The following MCMBP variants were observed in gnomAD, a reference collection of about 807,000 sequenced individuals.
MCMBP encodes minichromosome maintenance complex binding protein.
In MCMBP, 31 loss-of-function variants were observed where a neutral mutation model predicts 81.3. The ratio of observed to expected loss-of-function variants is 0.38; its 90% CI spans 0.29 to 0.51. The LOEUF (loss-of-function observed/expected upper bound fraction) is 0.51, where lower values mean the gene tolerates loss of function less well. Among genes scored for constraint, MCMBP ranks in the 20% least tolerant of loss-of-function variants. MCMBP has a pLI of 0.87. For synonymous variants in MCMBP, 267 were observed against 275.9 expected (o/e 0.97, Z 0.32); for missense variants, 645 against 772.1 (o/e 0.84, Z 1.95).
chr10:119,835,811 C>G (rs1490636352), intron 13 of MCMBP, 107 bp from the exon 14 acceptor site: 1 of 1,166,198 alleles, frequency 8.6e-7, no homozygotes, highest in Non-Finnish European at 1.2e-6. Flanking sequence ...TAGAAAATAC[C>G]ACTTATTATT....
intron 1 of MCMBP, among the ~76,000 whole-genome samples, chr10:119,867,241 C>T (rs1271271990): frequency 7.4e-6 from 1 of 135,632 alleles, no homozygotes; most frequent in Non-Finnish European, 1.5e-5. Context: ...TGCAGTGAGC[C>T]GAAATCGCAC....
At chr10:119,848,544 T>C (rs1024853263) in intron 7 of MCMBP, among the ~76,000 whole-genome samples, 1 of 151,456 alleles carries the variant, frequency 6.6e-6, no homozygotes, top group Admixed American at 6.6e-5. Context: ...ACCCAGGAGG[T>C]AGAAGTTGCA....
At chr10:119,869,174 G>A (rs528083151) in intron 1 of MCMBP, among the ~76,000 whole-genome samples, 1 of 152,214 alleles carries the variant, frequency 6.6e-6, no homozygotes, top group African/African-American at 2.4e-5. Flanking sequence ...GGTCGGGCGC[G>A]GTGGCTCACG....
At chr10:119,843,220 C>A in intron 9 of MCMBP, 34 bp downstream of exon 9, 1 of 1,611,676 alleles carries the variant, frequency 6.2e-7, no homozygotes, top group South Asian at 1.1e-5. Flanking sequence ...GGCTAACAGT[C>A]GATAGTTGAC....
Position 119,831,337 on chromosome 10 carries a change from TTACC to T in MCMBP, c.*133_*136del, listed in dbSNP as rs1852027312. The stretch of plus-strand genomic sequence containing the variant: ...CTGAATATCATATAAACATCAGGTG[TTACC>T]AGGCTTGATTTCAGGAAATGTCACT... On this transcript the variant is annotated 3_prime_UTR_variant, in exon 16 of 16. Coordinates refer to ENST00000369077, the MANE Select transcript of MCMBP (RefSeq NM_001256378.2). 2 of 955,622 alleles carry T rather than the reference TTACC, an allele frequency of 2.1e-6. No individual in the cohort carries two copies. The highest frequency in any genetic ancestry group is 3.3e-5 in the African/African-American group (2 of 61,476). 59.2% of individuals were successfully genotyped at this position (955,622 alleles called of 1,614,324 possible). A position where few individuals can be genotyped will look rare whatever the true frequency, so the allele number is the denominator to read the frequency against.
intron 1 of MCMBP, among the ~76,000 whole-genome samples, chr10:119,867,095 C>T (rs1209575707): frequency 4.6e-5 from 7 of 151,878 alleles, no homozygotes; most frequent in Admixed American, 3.9e-4. Context: ...GAGGTCGAGA[C>T]CATCCTGGCC....
rs149555312 is a variant in MCMBP, at chr10:119,850,193, T to C, written c.575-617A>G. Among the ~76,000 whole-genome samples, 25 of 152,174 alleles carry C rather than the reference T, an allele frequency of 1.6e-4. 1 individual carries two copies. In the East Asian group the frequency reaches 4.1e-3, roughly 25 times the overall value. The stretch of plus-strand genomic sequence containing the variant: ...GACAAACTACTGATACATGCAACAA[T>C]TGGGATGGATCTCAAGGGAATTGTG... On this transcript the variant is annotated intron_variant, in intron 6 of 15. Transcript: ENST00000369077.
At chr10:119,860,985 T>C (rs143739937) in intron 1 of MCMBP, among the ~76,000 whole-genome samples, 165 of 152,358 alleles carry the variant, frequency 1.1e-3, no homozygotes, top group African/African-American at 3.6e-3. Context: ...ACAAGCCATC[T>C]ACAGCAGGCA....
intron 6 of MCMBP, 57 bp from the exon 7 acceptor site, chr10:119,849,633 G>A: frequency 6.8e-7 from 1 of 1,472,854 alleles, no homozygotes; most frequent in Non-Finnish European, 9.0e-7. Flanking sequence ...TGGAGAAAAA[G>A]AACATTCCAT....
chr10:119,858,488 A>T (rs1201576339), intron 4 of MCMBP, among the ~76,000 whole-genome samples: 1 of 151,914 alleles, frequency 6.6e-6, no homozygotes, highest in Non-Finnish European at 1.5e-5. Flanking sequence ...TCTCCGAGCT[A>T]CCTAGGAATG....
At position 119,830,467 on chromosome 10, in the gene MCMBP, T is replaced by TA. The variant is rs1376035812; in HGVS notation, c.*1006dup. 6.6e-6 allele frequency: 1 copy of TA among 152,094 alleles called. No individual in the cohort carries two copies. The highest frequency in any genetic ancestry group is 1.5e-5 in the Non-Finnish European group (1 of 67,990). The allele number at this position is 152,094 out of a possible 1,614,324, so 9.4% of individuals were successfully genotyped here. ...TACTTGGAACCAACTGATGATCCCA[T>TA]AAAAAATGCCAAAAATCCAATAGAA... On this transcript the variant is annotated 3_prime_UTR_variant, in exon 16 of 16. Coordinates refer to ENST00000369077, the MANE Select transcript of MCMBP (RefSeq NM_001256378.2).
At chr10:119,854,791 G>T (rs1008060772) in intron 5 of MCMBP, among the ~76,000 whole-genome samples, 1 of 150,520 alleles carries the variant, frequency 6.6e-6, no homozygotes, top group South Asian at 2.1e-4. Context: ...ACCCCGTCTC[G>T]ACTAAAAACA....
intron 10 of MCMBP, among the ~76,000 whole-genome samples, chr10:119,841,864 A>G (rs1055880501): frequency 1.3e-5 from 2 of 152,242 alleles, no homozygotes; most frequent in African/African-American, 4.8e-5. Context: ...AGCGTTCAGA[A>G]TGCAAAAGGG....
At chr10:119,860,755 A>G (rs2134394358) in intron 1 of MCMBP, among the ~76,000 whole-genome samples, 1 of 152,314 alleles carries the variant, frequency 6.6e-6, no homozygotes, top group African/African-American at 2.4e-5. Flanking sequence ...ATGCTTCTCA[A>G]TCTGGATCTG....
chr10:119,852,398 G>C (rs1564880281), intron 6 of MCMBP, among the ~76,000 whole-genome samples: 1 of 152,204 alleles, frequency 6.6e-6, no homozygotes, highest in Non-Finnish European at 1.5e-5. Flanking sequence ...GACTGGTTGG[G>C]CGTGGTGGCT....
In MCMBP at chr10:119,838,415, G is replaced by T; in HGVS notation, c.1408+120C>A. On this transcript the variant is annotated intron_variant, in intron 12 of 15. Coordinates refer to ENST00000369077, the MANE Select transcript of MCMBP (RefSeq NM_001256378.2). ...TGCTTTAATCAAATTCATATGCCAA[G>T]CCTTTATCTTACGTTGTTAAATGTG... 3 of 894,110 alleles carry T rather than the reference G, an allele frequency of 3.4e-6. 1 individual carries two copies. The South Asian group carries it at 6.1e-5, about 18-fold the overall frequency. The allele number at this position is 894,110 out of a possible 1,614,324, so 55.4% of individuals were successfully genotyped here.
intron 1 of MCMBP, among the ~76,000 whole-genome samples, chr10:119,867,165 C>G (rs981250686): frequency 2.0e-5 from 3 of 150,042 alleles, no homozygotes; most frequent in Non-Finnish European, 4.4e-5. Flanking sequence ...TGGTGGTGGT[C>G]GCCTGTAGTC....
intron 8 of MCMBP, among the ~76,000 whole-genome samples, chr10:119,847,189 G>T (rs765148015): frequency 6.6e-6 from 1 of 152,130 alleles, no homozygotes; most frequent in East Asian, 1.9e-4. Flanking sequence ...AATAGAGAAT[G>T]AGCGAGCTTC....
intron 13 of MCMBP, among the ~76,000 whole-genome samples, chr10:119,836,335 T>C (rs1852240677): frequency 6.6e-6 from 1 of 152,184 alleles, no homozygotes; most frequent in South Asian, 2.1e-4. Context: ...TCATTCTTAG[T>C]CAAAGGCGGT....
Sources: allele counts gnomAD v4.1 joint callset (sites outside exome capture counted in the v4.1 genomes callset), GRCh38; gene constraint gnomAD v4.1.1; transcripts MANE v1.5; gene names NCBI Gene and HGNC (gene_info 2026-07-23, HGNC 2026-07-21).